Variants in GALNT2 observed in about 807,000 individuals in gnomAD.
The protein encoded by GALNT2 is UDP-GalNAc:polypeptide N-acetylgalactosaminyltransferase 2.
In GALNT2, 31 loss-of-function variants were observed where a neutral mutation model predicts 81.4. The observed-to-expected ratio is 0.38, with a 90% CI of 0.29 to 0.51. The LOEUF is 0.51. Among genes scored for constraint, GALNT2 ranks in the 20% least tolerant of loss-of-function variants. The pLI is 0.87. For missense variants in GALNT2, 629 were observed against 765.7 expected, an observed-to-expected ratio of 0.82 and a Z score of 2.11; for synonymous variants, 303 against 287.4, an observed-to-expected ratio of 1.05 and a Z score of -0.55.
At chr1:230,218,582 A>G (rs1415192513) in intron 3 of GALNT2, among the ~76,000 whole-genome samples, 1 of 152,206 alleles carries the variant, frequency 6.6e-6, no homozygotes, top group Non-Finnish European at 1.5e-5. Context: ...TGCTGGAAAG[A>G]TTAGGAGGGA....
chr1:230,207,918 A>C (rs1291123590), intron 3 of GALNT2, among the ~76,000 whole-genome samples: 2 of 151,634 alleles, frequency 1.3e-5, no homozygotes, highest in Non-Finnish European at 2.9e-5. Context: ...TTTTCTTTTT[A>C]TTTTTAAATT....
At chr1:230,134,518 A>G (rs990099297) in intron 1 of GALNT2, among the ~76,000 whole-genome samples, 10 of 152,184 alleles carry the variant, frequency 6.6e-5, no homozygotes, top group Non-Finnish European at 4.4e-5. Flanking sequence ...GTTTCAGAGA[A>G]GCTGTATCTA....
At chr1:230,133,044 C>T (rs553991817) in intron 1 of GALNT2, among the ~76,000 whole-genome samples, 11 of 152,198 alleles carry the variant, frequency 7.2e-5, no homozygotes, top group Non-Finnish European at 1.6e-4. Flanking sequence ...CTCGTGGTAA[C>T]AATGTGTTGC....
intron 1 of GALNT2, among the ~76,000 whole-genome samples, chr1:230,172,376 C>T (rs72651071): frequency 0.012 from 1,768 of 152,322 alleles, 11 homozygotes; most frequent in Non-Finnish European, 0.018. Context: ...CTTCAGAGAA[C>T]AGCAGCCCTG....
At chr1:230,214,590 G>T (rs942459248) in intron 3 of GALNT2, among the ~76,000 whole-genome samples, 1 of 152,072 alleles carries the variant, frequency 6.6e-6, no homozygotes, top group Non-Finnish European at 1.5e-5. Context: ...TGCCTTTTCA[G>T]ATATTTCTTT....
intron 1 of GALNT2, among the ~76,000 whole-genome samples, chr1:230,110,770 G>T (rs1302470637): frequency 6.9e-6 from 1 of 144,020 alleles, no homozygotes; most frequent in Non-Finnish European, 1.5e-5. Context: ...GGTAAAAAGA[G>T]ACTGGGAATG....
intron 1 of GALNT2, among the ~76,000 whole-genome samples, chr1:230,152,596 A>G (rs1423729587): frequency 6.6e-6 from 1 of 152,222 alleles, no homozygotes; most frequent in Non-Finnish European, 1.5e-5. Context: ...GTCTACATCA[A>G]ATTTATTTGT....
chr1:230,060,922 C>CTCTT (rs768782032), intron 1 of GALNT2, among the ~76,000 whole-genome samples: 1 of 152,178 alleles, frequency 6.6e-6, no homozygotes, highest in Non-Finnish European at 1.5e-5. Flanking sequence ...CTCTGCTTCT[C>CTCTT]TCTTTCTCTC....
chr1:230,249,890 G>T (rs1665489217), intron 9 of GALNT2, among the ~76,000 whole-genome samples: 1 of 152,222 alleles, frequency 6.6e-6, no homozygotes, highest in African/African-American at 2.4e-5. Context: ...ACTTTACACT[G>T]AATTCGCACA....
At chr1:230,084,692 C>T (rs1659848391) in intron 1 of GALNT2, among the ~76,000 whole-genome samples, 1 of 152,166 alleles carries the variant, frequency 6.6e-6, no homozygotes, top group African/African-American at 2.4e-5. Flanking sequence ...TGGCCCCTGG[C>T]TCCCTCCTAC....
At chr1:230,244,515 G>A (rs748661625) in intron 7 of GALNT2, among the ~76,000 whole-genome samples, 14 of 114,682 alleles carry the variant, frequency 1.2e-4, no homozygotes, top group Non-Finnish European at 1.5e-4. Flanking sequence ...CCCTGGCTAC[G>A]CTCCGCCAGG....
chr1:230,189,927 A>AT (rs1405459767), intron 2 of GALNT2, among the ~76,000 whole-genome samples: 1 of 152,150 alleles, frequency 6.6e-6, no homozygotes, highest in Non-Finnish European at 1.5e-5. Context: ...TTCACTTAGC[A>AT]TAACTCCTCC....
chr1:230,086,569 G>A (rs1212662965), intron 1 of GALNT2, among the ~76,000 whole-genome samples: 2 of 152,202 alleles, frequency 1.3e-5, no homozygotes, highest in African/African-American at 4.8e-5. Context: ...CAGCTGTAAA[G>A]TGAGCAGTTT....
intron 1 of GALNT2, among the ~76,000 whole-genome samples, chr1:230,105,024 C>G (rs1250784644): frequency 6.6e-6 from 1 of 152,236 alleles, no homozygotes; most frequent in Non-Finnish European, 1.5e-5. Context: ...ATTCAGACCA[C>G]ACCTTCGGCT....
chr1:230,163,492 C>T (rs1006722310), intron 1 of GALNT2, among the ~76,000 whole-genome samples: 1 of 152,194 alleles, frequency 6.6e-6, no homozygotes, highest in Non-Finnish European at 1.5e-5. Context: ...GCTCTGGGCT[C>T]AGTTTTTGTT....
At chr1:230,242,983 G>A (rs1459021952) in intron 6 of GALNT2, among the ~76,000 whole-genome samples, 2 of 152,192 alleles carry the variant, frequency 1.3e-5, no homozygotes, top group African/African-American at 2.4e-5. Flanking sequence ...CTGCTGCTGT[G>A]TCAGAGGAAT....
chr1:230,254,972 G>A (rs1017919802), intron 10 of GALNT2, among the ~76,000 whole-genome samples: 6 of 152,160 alleles, frequency 3.9e-5, no homozygotes, highest in African/African-American at 1.2e-4. Context: ...ATATTTCCCC[G>A]TGAACATTTT....
At chr1:230,219,563 G>T (rs1301693031) in intron 3 of GALNT2, among the ~76,000 whole-genome samples, 1 of 151,986 alleles carries the variant, frequency 6.6e-6, no homozygotes, top group Admixed American at 6.5e-5. Context: ...CTTGTATTCT[G>T]CATGCCCCTC....
intron 1 of GALNT2, among the ~76,000 whole-genome samples, chr1:230,140,967 T>C (rs1661711395): frequency 6.6e-6 from 1 of 152,250 alleles, no homozygotes; most frequent in South Asian, 2.1e-4. Flanking sequence ...TTATTTTCTC[T>C]GCTTTTGTGT....
Sources: gnomAD v4.1 joint callset for allele counts (sites outside exome capture counted in the v4.1 genomes callset) on GRCh38, gnomAD v4.1.1 for gene constraint, MANE v1.5 for transcripts, NCBI Gene and HGNC (gene_info 2026-07-23, HGNC 2026-07-21) for gene names.